The following NASP variants were observed in gnomAD, a reference collection of about 807,000 sequenced individuals.
NASP encodes nuclear autoantigenic sperm protein.
Under a neutral mutation model 89.5 loss-of-function variants are expected in NASP, and 24 were observed. The ratio of observed to expected loss-of-function variants is 0.27; its 90% CI spans 0.19 to 0.38. The LOEUF is 0.38. Among genes scored for constraint, NASP ranks in the 10% least tolerant of loss-of-function variants. The pLI is 1.00. For missense variants in NASP, 848 were observed against 921.4 expected, an observed-to-expected ratio of 0.92 and a Z score of 1.03; for synonymous variants, 306 against 324.7, an observed-to-expected ratio of 0.94 and a Z score of 0.62.
intron 1 of NASP, 49 bp from the exon 2 acceptor site, chr1:45,591,171 TTAA>T (rs1570952488): frequency 9.1e-7 from 1 of 1,098,052 alleles, no homozygotes; most frequent in Non-Finnish European, 1.3e-6. Context: ...ATTTTCAGGC[TTAA>T]TAATTGCCTC....
At chr1:45,588,048 T>C (rs1213095133) in intron 1 of NASP, among the ~76,000 whole-genome samples, 1 of 148,706 alleles carries the variant, frequency 6.7e-6, no homozygotes, top group Non-Finnish European at 1.5e-5. Flanking sequence ...GAGACCAGCC[T>C]GGCTGACATG....
chr1:45,616,519 TGG>T, intron 12 of NASP, 105 bp from the exon 13 acceptor site: 3 of 1,495,184 alleles, frequency 2.0e-6, no homozygotes, highest in Non-Finnish European at 9.3e-7. Flanking sequence ...AACACTAGCT[TGG>T]GCAACATAGT....
At chr1:45,617,999 T>C in intron 14 of NASP, 62 bp from the exon 15 acceptor site, 1 of 1,459,560 alleles carries the variant, frequency 6.9e-7, no homozygotes, top group South Asian at 1.2e-5. Flanking sequence ...GAGGCCTCAG[T>C]TATATAAGAC....
chr1:45,604,424 A>C (rs1268870951), intron 3 of NASP, among the ~76,000 whole-genome samples: 1 of 152,230 alleles, frequency 6.6e-6, no homozygotes, highest in Non-Finnish European at 1.5e-5. Flanking sequence ...TTGAACAAAC[A>C]GTTATTAACA....
At chr1:45,616,846 G>A (rs1644114626) in intron 13 of NASP, 143 bp downstream of exon 13, 8 of 808,968 alleles carry the variant, frequency 9.9e-6, no homozygotes, top group Admixed American at 2.2e-5. Context: ...GGAGACTGTT[G>A]TGTTTTGTTT....
chr1:45,587,584 C>T (rs1644570656), intron 1 of NASP, among the ~76,000 whole-genome samples: 2 of 147,342 alleles, frequency 1.4e-5, no homozygotes, highest in South Asian at 4.3e-4. Flanking sequence ...CTAGTACCTA[C>T]ATATCTTTTA....
intron 2 of NASP, among the ~76,000 whole-genome samples, chr1:45,593,368 A>G (rs1235940516): frequency 6.6e-6 from 1 of 151,844 alleles, no homozygotes; most frequent in Non-Finnish European, 1.5e-5. Context: ...CCCTCTCTCT[A>G]CTAAAAATAC....
chr1:45,598,885 T>G (rs1021483975), intron 2 of NASP, among the ~76,000 whole-genome samples: 1 of 132,012 alleles, frequency 7.6e-6, no homozygotes, highest in Non-Finnish European at 1.7e-5. Flanking sequence ...GTGTAGATCC[T>G]AGGATTTAAA....
intron 1 of NASP, 50 bp from the exon 2 acceptor site, chr1:45,591,173 A>T: frequency 1.8e-6 from 2 of 1,116,718 alleles, no homozygotes; most frequent in Non-Finnish European, 2.6e-6. Context: ...TTTCAGGCTT[A>T]ATAATTGCCT....
At position 45,584,104 on chromosome 1, in the gene NASP, G is replaced by C; in HGVS notation, c.-43G>C. On this transcript the variant is annotated 5_prime_UTR_variant, in exon 1 of 15. Coordinates refer to ENST00000350030, the MANE Select transcript of NASP (RefSeq NM_002482.4). ...GCGTCCCAAATTGCCTGTTTTTCTC[G>C]CAGGCTCTATTCCGTTCGCTGGTTC... 6.5e-7 allele frequency: 1 copy of C among 1,536,142 alleles called. No individual in the cohort carries two copies. The highest frequency in any genetic ancestry group is 1.2e-5 in the South Asian group (1 of 84,134).
intron 1 of NASP, among the ~76,000 whole-genome samples, chr1:45,589,779 T>C (rs993418800): frequency 3.3e-5 from 5 of 151,966 alleles, no homozygotes; most frequent in African/African-American, 1.2e-4. Flanking sequence ...TGGGCGCCTG[T>C]AATCCCAGCT....
chr1:45,618,411 G>C lies in NASP; in HGVS notation c.*270G>C. ...AACGTGGAGGTGATCAAGTGTGGCT[G>C]TAGGCCTTTGTTTTCCAATGGTGCT... On this transcript the variant is annotated 3_prime_UTR_variant, in exon 15 of 15. Coordinates refer to ENST00000350030, the MANE Select transcript of NASP (RefSeq NM_002482.4). 1 of 279,434 alleles carries C rather than the reference G, an allele frequency of 3.6e-6. No individual in the cohort carries two copies. The highest frequency in any genetic ancestry group is 7.0e-6 in the Non-Finnish European group (1 of 143,616). The allele number at this position is 279,434 out of a possible 1,614,324, so 17.3% of individuals were successfully genotyped here. A position where few individuals can be genotyped will look rare whatever the true frequency, so the allele number is the denominator to read the frequency against.
In NASP at chr1:45,587,291, A is replaced by G. The variant is rs138039012; in HGVS notation, c.59+3086A>G. On this transcript the variant is annotated intron_variant, in intron 1 of 14. Transcript: ENST00000350030. ...ACCTCCGCCCTCCCGGATTCAAGCA[A>G]GTCTCTTGCCTCAGCCTCCCAAGTA... Among the ~76,000 whole-genome samples, 975 of 151,966 alleles carry G rather than the reference A, an allele frequency of 6.4e-3. 11 individuals carry two copies. Among genetic ancestry groups the G allele is most frequent in the African/African-American group, 0.022 (910 of 41,444 alleles).
At chr1:45,594,361 G>A (rs1384741047) in intron 2 of NASP, among the ~76,000 whole-genome samples, 1 of 151,818 alleles carries the variant, frequency 6.6e-6, no homozygotes, top group African/African-American at 2.4e-5. Context: ...TTTCTTGTGA[G>A]TTAATCTGGT....
intron 2 of NASP, among the ~76,000 whole-genome samples, chr1:45,597,666 C>T (rs1022493882): frequency 1.3e-5 from 2 of 152,132 alleles, no homozygotes; most frequent in Non-Finnish European, 2.9e-5. Flanking sequence ...CAAATACTGA[C>T]AGATATAACT....
At chr1:45,609,315 C>T (rs1272654718) in intron 6 of NASP, 2 of 152,156 alleles carry the variant, frequency 1.3e-5, no homozygotes, top group Non-Finnish European at 2.9e-5. Flanking sequence ...TTTTCAGAGA[C>T]CCATCTTCAA....
At chr1:45,598,764 G>C (rs2148344603) in intron 2 of NASP, among the ~76,000 whole-genome samples, 1 of 152,248 alleles carries the variant, frequency 6.6e-6, no homozygotes, top group South Asian at 2.1e-4. Context: ...ATCAGTCAGT[G>C]GCAATGTTGT....
chr1:45,594,606 A>G (rs1643642509), intron 2 of NASP: 3 of 402,110 alleles, frequency 7.5e-6, no homozygotes, highest in Non-Finnish European at 1.5e-5. Context: ...CCCTGGGCTC[A>G]GGTGATCCTC....
chr1:45,614,238 C>G lies in NASP; in HGVS notation c.1593-55C>G. Reference sequence around the variant, plus strand: ...GGGAGTTTGGTGGTTAAATAGAAACCAGTTAGGGTTAGACAGGTACTGTTA... The same window carrying G: ...GGGAGTTTGGTGGTTAAATAGAAACGAGTTAGGGTTAGACAGGTACTGTTA... On this transcript the variant is annotated intron_variant, in intron 8 of 14. Transcript: ENST00000350030. 1.9e-6 allele frequency: 3 copies of G among 1,595,260 alleles called. No homozygotes were observed. The South Asian group carries it at 3.3e-5, about 18-fold the overall frequency.
Sources: gnomAD v4.1 joint callset for allele counts (sites outside exome capture counted in the v4.1 genomes callset) on GRCh38, gnomAD v4.1.1 for gene constraint, MANE v1.5 for transcripts, NCBI Gene and HGNC (gene_info 2026-07-23, HGNC 2026-07-21) for gene names.